Variants in PUDP observed in about 807,000 individuals in gnomAD.
PUDP encodes pseudouridine-5'-phosphatase.
In PUDP, 8 loss-of-function variants were observed where a neutral mutation model predicts 9.4. The observed-to-expected ratio is 0.85, with a 90% CI of 0.50 to 1.53. The LOEUF (loss-of-function observed/expected upper bound fraction) is 1.53. Ranked by LOEUF, PUDP falls within the 40% of genes most tolerant of loss-of-function variation. PUDP has a pLI of 0.00. For missense variants in PUDP, 188 were observed against 189.7 expected, an observed-to-expected ratio of 0.99 and a Z score of 0.05; for synonymous variants, 99 against 80.7, an observed-to-expected ratio of 1.23 and a Z score of -1.22.
chrX:6,939,543 C>T (rs1038858297), intron 3 of PUDP, among the ~76,000 whole-genome samples: 3 of 109,447 alleles, frequency 2.7e-5, no homozygotes, highest in East Asian at 2.8e-4. Flanking sequence ...TATTACAACT[C>T]GGAAATCTTA....
chrX:6,866,951 C>T lies in PUDP; in HGVS notation c.*247+110182G>A, dbSNP rs188638022. 2.5e-3 allele frequency among the ~76,000 whole-genome samples: 275 copies of T among 111,356 alleles called. 1 individual carries two copies. Among genetic ancestry groups the T allele is most frequent in the African/African-American group, 8.6e-3 (262 of 30,631 alleles). On this transcript the variant is annotated intron_variant and NMD_transcript_variant, in intron 3 of 3. Transcript: ENST00000655425. The stretch of plus-strand genomic sequence containing the variant: ...GGGGTGAGAAAAGAAGTCCATCAGG[C>T]CCCAGAGGGTAGGCGTAGGGTCAGG...
intron 3 of PUDP, chrX:7,057,453 A>G (rs1930274970): frequency 2.9e-6 from 1 of 347,375 alleles, no homozygotes; most frequent in Non-Finnish European, 4.9e-6. Context: ...GTCCAAACAC[A>G]AGAGCAATGA....
downstream of PUDP, among the ~76,000 whole-genome samples, chrX:7,045,907 A>C (rs765915928): frequency 1.8e-5 from 2 of 112,148 alleles, no homozygotes; most frequent in South Asian, 3.7e-4. Flanking sequence ...AAAGATGAAA[A>C]AATATTGCTC....
intron 3 of PUDP, among the ~76,000 whole-genome samples, chrX:6,919,858 C>CAAAAAAAAAAAAAAAAAAAAAAAAAAAAA (rs58441346): frequency 3.8e-5 from 1 of 26,501 alleles, no homozygotes; most frequent in African/African-American, 1.5e-4. Flanking sequence ...GACTCCATCT[C>CAAAAAAAAAAAAAAAAAAAAAAAAAAAAA]AAAAAAAAAA....
chrX:6,802,375 C>T (rs1026458267), intron 3 of PUDP, among the ~76,000 whole-genome samples: 2 of 111,190 alleles, frequency 1.8e-5, no homozygotes, highest in Non-Finnish European at 3.8e-5. Flanking sequence ...ATCGTAATGC[C>T]GGCCAATGGG....
intron 3 of PUDP, among the ~76,000 whole-genome samples, chrX:6,860,260 G>A (rs944159212): frequency 5.1e-4 from 56 of 110,452 alleles, no homozygotes; most frequent in African/African-American, 1.8e-3. Flanking sequence ...GGGATAACAG[G>A]TGTGAGCCAT....
chrX:6,888,903 CT>C (rs1420617419), intron 3 of PUDP, among the ~76,000 whole-genome samples: 5 of 111,810 alleles, frequency 4.5e-5, no homozygotes, highest in Admixed American at 1.9e-4. Flanking sequence ...CAGATCGCCC[CT>C]GACGAGATAT....
chrX:7,071,799 CAG>C (rs768082741), intron 3 of PUDP, among the ~76,000 whole-genome samples: 1 of 104,198 alleles, frequency 9.6e-6, no homozygotes, highest in East Asian at 3.0e-4. Context: ...TCCTTTGAGA[CAG>C]AGTCTTGCTC....
intron 3 of PUDP, among the ~76,000 whole-genome samples, chrX:6,783,482 G>C (rs1489437354): frequency 9.0e-6 from 1 of 111,342 alleles, no homozygotes. Context: ...CTCTCTTGGG[G>C]TCTGGATCGA....
chrX:7,038,860 G>C (rs147060231), intron 1 of PUDP, among the ~76,000 whole-genome samples: 2,027 of 111,746 alleles, frequency 0.018, 37 homozygotes, highest in African/African-American at 0.061. Flanking sequence ...TTCTTTCCTC[G>C]GATTGTTCCT....
At chrX:6,762,480 C>T (rs1426979241) in intron 3 of PUDP, among the ~76,000 whole-genome samples, 2 of 111,740 alleles carry the variant, frequency 1.8e-5, no homozygotes, top group Non-Finnish European at 3.8e-5. Flanking sequence ...CAGAATAGAA[C>T]TTTGAAAAAT....
intron 3 of PUDP, among the ~76,000 whole-genome samples, chrX:6,867,547 T>TG (rs1159269618): frequency 9.1e-6 from 1 of 109,360 alleles, no homozygotes; most frequent in East Asian, 2.9e-4. Context: ...ACGTTGATGA[T>TG]GGTTGGTGAT....
intron 3 of PUDP, among the ~76,000 whole-genome samples, chrX:6,915,659 C>T (rs1050382767): frequency 8.9e-6 from 1 of 112,013 alleles, no homozygotes; most frequent in Non-Finnish European, 1.9e-5. Flanking sequence ...AAACAGAGTA[C>T]ATTTCTTATA....
chrX:6,712,303 A>G (rs1924542122), intron 1 of PUDP, among the ~76,000 whole-genome samples: 1 of 111,219 alleles, frequency 9.0e-6, no homozygotes, highest in Admixed American at 9.6e-5. Context: ...GGCATGTGCC[A>G]CCATGCCTGG....
intron 3 of PUDP, among the ~76,000 whole-genome samples, chrX:6,829,075 G>A (rs900895296): frequency 1.8e-5 from 2 of 110,630 alleles, no homozygotes; most frequent in Admixed American, 9.6e-5. Context: ...AGAGATTCGT[G>A]CACTTAGATG....
At chrX:6,751,808 G>A (rs1324503292) in intron 3 of PUDP, among the ~76,000 whole-genome samples, 5 of 111,200 alleles carry the variant, frequency 4.5e-5, no homozygotes, top group African/African-American at 1.6e-4. Flanking sequence ...TACAGCAGGA[G>A]GAATTTAGCC....
intron 3 of PUDP, among the ~76,000 whole-genome samples, chrX:6,968,598 T>C (rs935569182): frequency 1.8e-5 from 2 of 110,719 alleles, no homozygotes; most frequent in Non-Finnish European, 3.8e-5. Context: ...GTCTGTGTTT[T>C]AGGGGGTTGG....
chrX:6,968,521 G>A (rs751848200), intron 3 of PUDP, among the ~76,000 whole-genome samples: 3 of 111,411 alleles, frequency 2.7e-5, no homozygotes, highest in Admixed American at 9.5e-5. Context: ...GGGGCCGATC[G>A]TCTCTCTGCG....
intron 1 of PUDP, among the ~76,000 whole-genome samples, chrX:7,127,627 A>G (rs150547917): frequency 0.015 from 1,681 of 112,657 alleles, 14 homozygotes; most frequent in Middle Eastern, 0.07. Context: ...CAAATCATTT[A>G]GAGGGATGCT....
Sources: allele counts gnomAD v4.1 joint callset (sites outside exome capture counted in the v4.1 genomes callset), GRCh38; gene constraint gnomAD v4.1.1; transcripts MANE v1.5; gene names NCBI Gene and HGNC (gene_info 2026-07-23, HGNC 2026-07-21).